NT5DC1: variants seen among roughly 807,000 people sequenced by gnomAD.
NT5DC1 encodes 5'-nucleotidase domain-containing protein 1.
Under a neutral mutation model 59.4 loss-of-function variants are expected in NT5DC1, and 42 were observed. The ratio of observed to expected loss-of-function variants is 0.71; its 90% confidence interval spans 0.55 to 0.92. NT5DC1 has a LOEUF of 0.92. Ranked by LOEUF, NT5DC1 falls within the 40% of genes least tolerant of loss-of-function variation. NT5DC1 has a pLI of 0.00. For missense variants in NT5DC1, 501 were observed against 537.1 expected (o/e 0.93, Z 0.66); for synonymous variants, 172 against 188.1 (o/e 0.91, Z 0.70).
At chr6:116,216,634 A>AAGAAT (rs1241854923) in intron 6 of NT5DC1, among the ~76,000 whole-genome samples, 1 of 151,920 alleles carries the variant, frequency 6.6e-6, no homozygotes, top group African/African-American at 2.4e-5. Context: ...TAGATATTCT[A>AAGAAT]GATTTATTTA....
intron 6 of NT5DC1, among the ~76,000 whole-genome samples, chr6:116,183,267 G>C (rs558128664): frequency 6.6e-6 from 1 of 152,174 alleles, no homozygotes; most frequent in Non-Finnish European, 1.5e-5. Context: ...TGCTGTTTTG[G>C]TGATTATGGC....
At chr6:116,241,162 A>G (rs1771707901) in intron 11 of NT5DC1, among the ~76,000 whole-genome samples, 1 of 150,726 alleles carries the variant, frequency 6.6e-6, no homozygotes, top group African/African-American at 2.5e-5. Flanking sequence ...AAAAAAAAGT[A>G]AAATATTTTT....
Position 116,244,865 on chromosome 6 carries a change from AT to A in NT5DC1, c.*844del, listed in dbSNP as rs145704354. 1 of 152,290 alleles carries A rather than the reference AT, an allele frequency of 6.6e-6. No homozygotes were observed. The highest frequency in any genetic ancestry group is 1.9e-4 in the East Asian group (1 of 5,184). The allele number at this position is 152,290 out of a possible 1,614,324, so 9.4% of individuals were successfully genotyped here. On this transcript the variant is annotated 3_prime_UTR_variant, in exon 12 of 12. Transcript: ENST00000319550. ...TTCTAATAATGTTAAAGGCTATTTA[AT>A]TTATTTAATCAACTTTAAGCATTAC...
chr6:116,110,877 T>C lies in NT5DC1; in HGVS notation c.285T>C (p.Thr95=). 1 of 1,614,010 alleles carries C rather than the reference T, an allele frequency of 6.2e-7. No homozygotes were observed. Among genetic ancestry groups the C allele is most frequent in the Non-Finnish European group, 8.5e-7 (1 of 1,179,854 alleles). ...CAAGCCATGGCACCAAGATGATGAC[T>C]CCAGAGGTGCTGGCAGAGGCATATG... ...LRASHGTKMM[T]PEVLAEAYGK... is the part of the protein sequence containing the mutation. The change falls in exon 4 of 12, where the codon ACT becomes ACC. Residue 95 remains threonine, a synonymous_variant. Transcript: ENST00000319550.
rs148522565 is a variant in NT5DC1 at position 116,151,449 on chromosome 6, A to G, written c.529+33504A>G. Among the ~76,000 whole-genome samples the G allele has an allele frequency of 3.4e-3, 525 of 152,334 alleles. 2 individuals carry two copies. Among genetic ancestry groups the G allele is most frequent in the African/African-American group, 0.012 (498 of 41,584 alleles). On this transcript the variant is annotated intron_variant, in intron 6 of 11. Transcript: ENST00000319550. Reference sequence around the variant, plus strand: ...GTGATTGTATAGTTAAAGGGCATTTATAGAGTAAAATTTTATCTATCCATT... The same window carrying G: ...GTGATTGTATAGTTAAAGGGCATTTGTAGAGTAAAATTTTATCTATCCATT...
At chr6:116,206,246 G>A (rs1167044775) in intron 6 of NT5DC1, among the ~76,000 whole-genome samples, 1 of 151,990 alleles carries the variant, frequency 6.6e-6, no homozygotes, top group Non-Finnish European at 1.5e-5. Context: ...TTAGGCCAGA[G>A]GAACTTGTTA....
At chr6:116,169,291 C>T (rs1006872163) in intron 6 of NT5DC1, among the ~76,000 whole-genome samples, 36 of 152,176 alleles carry the variant, frequency 2.4e-4, no homozygotes, top group Admixed American at 2.3e-3. Context: ...CTCAGTTAGA[C>T]AATTTGTTCA....
chr6:116,196,149 G>A (rs959601882), intron 6 of NT5DC1, among the ~76,000 whole-genome samples: 1 of 151,952 alleles, frequency 6.6e-6, no homozygotes, highest in Non-Finnish European at 1.5e-5. Flanking sequence ...AAGGACAGTC[G>A]TCCTTTCCTT....
intron 6 of NT5DC1, among the ~76,000 whole-genome samples, chr6:116,135,573 A>G (rs1007257409): frequency 3.3e-5 from 5 of 151,694 alleles, no homozygotes; most frequent in African/African-American, 4.8e-5. Flanking sequence ...TTGATGAACA[A>G]TATAACTTCT....
chr6:116,165,593 C>A (rs1780445660), intron 6 of NT5DC1, among the ~76,000 whole-genome samples: 1 of 152,362 alleles, frequency 6.6e-6, no homozygotes, highest in South Asian at 2.1e-4. Flanking sequence ...TCTCCTACAT[C>A]CACAACAGTG....
chr6:116,152,524 G>A (rs751077044), intron 6 of NT5DC1, among the ~76,000 whole-genome samples: 1 of 152,086 alleles, frequency 6.6e-6, no homozygotes, highest in Non-Finnish European at 1.5e-5. Context: ...GGGTCTCCAG[G>A]GCAGTCTGAC....
intron 6 of NT5DC1, among the ~76,000 whole-genome samples, chr6:116,202,126 G>GAGTTAAATT: frequency 6.6e-6 from 1 of 151,954 alleles, no homozygotes; most frequent in Admixed American, 6.6e-5. Context: ...AATTTAACTT[G>GAGTTAAATT]AAGTAGCCAC....
chr6:116,224,545 G>A (rs1204801), intron 8 of NT5DC1, among the ~76,000 whole-genome samples: 64,703 of 152,140 alleles, frequency 0.43, 17,726 homozygotes, highest in African/African-American at 0.78. Flanking sequence ...AGGTTAGGTA[G>A]GGTGACTTGC....
At position 116,106,819 on chromosome 6, in the gene NT5DC1, G is replaced by A. The variant is rs142654317; in HGVS notation, c.185+484G>A. On this transcript the variant is annotated intron_variant, in intron 2 of 11. Transcript: ENST00000319550. ...TTCCCTTCCTGGGTTAGGACTCTCA[G>A]CTTCCCAAAGCTTCGTTTGTCTTCC... Among the ~76,000 whole-genome samples, 389 of 152,260 alleles carry A rather than the reference G, an allele frequency of 2.6e-3. 10 individuals are homozygous for A. The South Asian group carries it at 0.044, about 17-fold the overall frequency.
intron 6 of NT5DC1, among the ~76,000 whole-genome samples, chr6:116,216,591 T>C (rs562758011): frequency 4.5e-4 from 68 of 152,078 alleles, no homozygotes; most frequent in African/African-American, 1.6e-3. Context: ...CCAAGTATTA[T>C]GTTTAGCATA....
chr6:116,104,772 C>G (rs1286644516), intron 1 of NT5DC1, among the ~76,000 whole-genome samples: 2 of 152,156 alleles, frequency 1.3e-5, no homozygotes, highest in South Asian at 4.1e-4. Flanking sequence ...TAAGCAGGAT[C>G]GTGATGTGGA....
chr6:116,145,658 A>C (rs1032786380), intron 6 of NT5DC1, among the ~76,000 whole-genome samples: 2 of 152,204 alleles, frequency 1.3e-5, no homozygotes, highest in Non-Finnish European at 2.9e-5. Flanking sequence ...TTTTCTTTAA[A>C]GTATCCCCAG....
intron 6 of NT5DC1, among the ~76,000 whole-genome samples, chr6:116,167,961 T>G (rs936795846): frequency 3.9e-5 from 6 of 152,186 alleles, no homozygotes; most frequent in Admixed American, 3.3e-4. Context: ...TAGTTTCTAT[T>G]GTTTATGTTG....
At chr6:116,187,320 A>C (rs1390253625) in intron 6 of NT5DC1, among the ~76,000 whole-genome samples, 1 of 152,042 alleles carries the variant, frequency 6.6e-6, no homozygotes, top group African/African-American at 2.4e-5. Flanking sequence ...TGTTAAGTCC[A>C]ACCAAAATTT....
Sources: gnomAD v4.1 joint callset for allele counts (sites outside exome capture counted in the v4.1 genomes callset) on GRCh38, gnomAD v4.1.1 for gene constraint, MANE v1.5 for transcripts, NCBI Gene and HGNC (gene_info 2026-07-23, HGNC 2026-07-21) for gene names.